DRD2: variants seen among roughly 807,000 people sequenced by gnomAD.
DRD2 encodes the protein dopamine receptor D2.
Under a neutral mutation model 38.0 loss-of-function variants are expected in DRD2, and 8 were observed. That is an observed-to-expected ratio of 0.21 (90% CI 0.12 to 0.38). The LOEUF is 0.38. DRD2 is among the 10% of genes least tolerant of loss of function. The pLI, the probability that DRD2 is intolerant of heterozygous loss-of-function variation, is 1.00. For synonymous variants in DRD2, 230 were observed against 238.6 expected, an observed-to-expected ratio of 0.96 and a Z score of 0.33; for missense variants, 403 against 607.7, an observed-to-expected ratio of 0.66 and a Z score of 3.54.
chr11:113,453,707 G>A (rs1052980631), intron 1 of DRD2, among the ~76,000 whole-genome samples: 2 of 152,194 alleles, frequency 1.3e-5, no homozygotes, highest in Admixed American at 6.5e-5. Context: ...GTTCCATGAC[G>A]GAGATGCCGG....
chr11:113,427,964 C>A (rs1000255535), intron 1 of DRD2, among the ~76,000 whole-genome samples: 1 of 152,114 alleles, frequency 6.6e-6, no homozygotes, highest in African/African-American at 2.4e-5. Flanking sequence ...GATGCGCGCA[C>A]AGAGGAGAGA....
At chr11:113,434,350 T>G (rs748970905) in intron 1 of DRD2, among the ~76,000 whole-genome samples, 16 of 152,210 alleles carry the variant, frequency 1.1e-4, no homozygotes, top group Non-Finnish European at 2.2e-4. Context: ...TAGCATCTCA[T>G]TCAAGGGTGA....
chr11:113,415,144 C>A, intron 5 of DRD2: 1 of 384,900 alleles, frequency 2.6e-6, no homozygotes, highest in Non-Finnish European at 4.6e-6. Flanking sequence ...ACGGGGGTAC[C>A]AAGCAAGAGT....
intron 1 of DRD2, among the ~76,000 whole-genome samples, chr11:113,427,007 C>A (rs1950946928): frequency 6.6e-6 from 1 of 152,252 alleles, no homozygotes; most frequent in Non-Finnish European, 1.5e-5. Flanking sequence ...GTGTGAGGCA[C>A]ACTTACTGCC....
At chr11:113,457,897 T>C (rs577339869) in intron 1 of DRD2, among the ~76,000 whole-genome samples, 2 of 152,382 alleles carry the variant, frequency 1.3e-5, no homozygotes, top group Admixed American at 1.3e-4. Context: ...CCCTGGAAGC[T>C]GAACCTAACA....
intron 1 of DRD2, among the ~76,000 whole-genome samples, chr11:113,451,660 T>A (rs1951210995): frequency 6.6e-6 from 1 of 152,012 alleles, no homozygotes; most frequent in Admixed American, 6.6e-5. Flanking sequence ...CCGGCTAATT[T>A]TGTATTTTTA....
chr11:113,412,112 G>A (rs1950775036), intron 7 of DRD2: 2 of 198,060 alleles, frequency 1.0e-5, no homozygotes, highest in East Asian at 1.2e-4. Flanking sequence ...AACCATAATA[G>A]TGACACTTAC....
chr11:113,474,737 C>A (rs1951463465), intron 1 of DRD2, among the ~76,000 whole-genome samples: 1 of 152,082 alleles, frequency 6.6e-6, no homozygotes, highest in Admixed American at 6.5e-5. Context: ...CGGCCTCCCT[C>A]CCGCCCTCCG....
chr11:113,440,933 C>A (rs541579462), intron 1 of DRD2, among the ~76,000 whole-genome samples: 22 of 152,326 alleles, frequency 1.4e-4, no homozygotes, highest in Admixed American at 1.1e-3. Context: ...TGTTGCTAAT[C>A]AAACTTCCTG....
rs199960714 is a variant in DRD2 at position 113,410,584 on chromosome 11, A to G, written c.*143T>C. 1.0e-4 allele frequency: 108 copies of G among 1,028,774 alleles called. 3 individuals carry two copies. The Middle Eastern group carries it at 1.2e-3, about 12-fold the overall frequency. The allele number at this position is 1,028,774 out of a possible 1,614,324, so 63.7% of individuals were successfully genotyped here. A position where few individuals can be genotyped will look rare whatever the true frequency, so the allele number is the denominator to read the frequency against. ...GGTGTGCGGGCAGTGAGGAGCATGG[A>G]GCCAAGCGAACACTGCAGGGCCTGC... On this transcript the variant is annotated 3_prime_UTR_variant, in exon 8 of 8. Transcript: ENST00000362072.
At chr11:113,438,077 T>C (rs1951055332) in intron 1 of DRD2, among the ~76,000 whole-genome samples, 1 of 152,010 alleles carries the variant, frequency 6.6e-6, no homozygotes, top group African/African-American at 2.4e-5. Context: ...TGCATACCAC[T>C]CCACATCCTG....
chr11:113,451,077 T>G (rs962573868), intron 1 of DRD2, among the ~76,000 whole-genome samples: 3 of 152,202 alleles, frequency 2.0e-5, no homozygotes, highest in Non-Finnish European at 2.9e-5. Context: ...GAACCCACCC[T>G]GTAGTTACCT....
rs187546804 is a variant in DRD2 at position 113,444,884 on chromosome 11, G to A, written c.-31-20202C>T. Among the ~76,000 whole-genome samples the A allele has an allele frequency of 2.0e-4, 31 of 152,294 alleles. No individual in the cohort carries two copies. The East Asian group carries it at 5.6e-3, about 27-fold the overall frequency. On this transcript the variant is annotated intron_variant, in intron 1 of 7. Transcript: ENST00000362072. ...AGAGGGTGCACATTTTGCAGAGAGG[G>A]TAACGTGGCTAATGTCACACACTAA...
At chr11:113,413,657 G>A (rs563772075) in intron 6 of DRD2, among the ~76,000 whole-genome samples, 1 of 152,350 alleles carries the variant, frequency 6.6e-6, no homozygotes, top group African/African-American at 2.4e-5. Flanking sequence ...CAGTGCAGGT[G>A]AAGGCAGGAC....
intron 1 of DRD2, among the ~76,000 whole-genome samples, chr11:113,435,530 C>T (rs1232246516): frequency 6.6e-6 from 1 of 152,096 alleles, no homozygotes; most frequent in Non-Finnish European, 1.5e-5. Context: ...CTGGGGCCCC[C>T]TCCCTGAGAA....
intron 1 of DRD2, among the ~76,000 whole-genome samples, chr11:113,457,310 C>G (rs764763024): frequency 2.0e-5 from 3 of 152,176 alleles, no homozygotes; most frequent in Non-Finnish European, 4.4e-5. Flanking sequence ...AATATCCACT[C>G]ATCCAATTAC....
At chr11:113,424,317 T>A (rs764292347) in intron 2 of DRD2, 50 bp downstream of exon 2, 26 of 1,593,648 alleles carry the variant, frequency 1.6e-5, no homozygotes, top group Non-Finnish European at 2.1e-5. Flanking sequence ...CAGTGTCCAG[T>A]GCAGGGCCCT....
chr11:113,459,190 A>G (rs961473290), intron 1 of DRD2, among the ~76,000 whole-genome samples: 1 of 152,240 alleles, frequency 6.6e-6, no homozygotes, highest in Admixed American at 6.5e-5. Context: ...GCTGATGCAT[A>G]TAAGGAAGAT....
In DRD2 at chr11:113,410,568, G is replaced by C. The variant is rs1950759074; in HGVS notation, c.*159C>G. ...GCCCTGGCAGAGTGAGGGTGTGCGG[G>C]CAGTGAGGAGCATGGAGCCAAGCGA... On this transcript the variant is annotated 3_prime_UTR_variant, in exon 8 of 8. Transcript: ENST00000362072. The C allele has an allele frequency of 8.8e-6, 8 of 906,828 alleles. No individual in the cohort carries two copies. Among genetic ancestry groups the C allele is most frequent in the Non-Finnish European group, 1.4e-5 (8 of 565,796 alleles). The allele number at this position is 906,828 out of a possible 1,614,324, so 56.2% of individuals were successfully genotyped here. A position where few individuals can be genotyped will look rare whatever the true frequency, so the allele number is the denominator to read the frequency against.
Sources: gnomAD v4.1 joint callset for allele counts (sites outside exome capture counted in the v4.1 genomes callset) on GRCh38, gnomAD v4.1.1 for gene constraint, MANE v1.5 for transcripts, NCBI Gene and HGNC (gene_info 2026-07-23, HGNC 2026-07-21) for gene names.